CDH1: variants seen among roughly 807,000 people sequenced by gnomAD.
CDH1 encodes the protein cadherin 1, also known as cadherin-1.
A neutral mutation model predicts 84.5 loss-of-function variants in CDH1; 35 were observed. The observed-to-expected ratio is 0.41, with a 90% CI of 0.32 to 0.55. The LOEUF (loss-of-function observed/expected upper bound fraction) is 0.55. Among genes scored for constraint, CDH1 ranks in the 20% least tolerant of loss-of-function variants. The pLI is 0.19. For synonymous variants in CDH1, 417 were observed against 439.0 expected (o/e 0.95, Z 0.63); for missense variants, 994 against 1,126.6 (o/e 0.88, Z 1.68).
At chr16:68,774,987 A>G (rs1465201362) in intron 2 of CDH1, among the ~76,000 whole-genome samples, 1 of 152,090 alleles carries the variant, frequency 6.6e-6, no homozygotes, top group African/African-American at 2.4e-5. Context: ...GAAGCCAAGC[A>G]TGGTGGTGCG....
chr16:68,754,706 G>A (rs1300240817), intron 2 of CDH1, among the ~76,000 whole-genome samples: 1 of 152,174 alleles, frequency 6.6e-6, no homozygotes, highest in African/African-American at 2.4e-5. Flanking sequence ...GGTGACAGAG[G>A]TATTTGTCTG....
At position 68,819,435 on chromosome 16, in the gene CDH1, C is replaced by T. The variant is rs1264027031; in HGVS notation, c.1711+10C>T. 6.2e-7 allele frequency: 1 copy of T among 1,612,770 alleles called. No individual in the cohort carries two copies. The highest frequency in any genetic ancestry group is 8.5e-7 in the Non-Finnish European group (1 of 1,179,792). ...ATAGCTACAGACAATGGTAAGGGGGCCTCATCTGAGCCTTTGCTGCCTCGA... is the reference window on the plus strand; with the variant it reads ...ATAGCTACAGACAATGGTAAGGGGGTCTCATCTGAGCCTTTGCTGCCTCGA... On this transcript the variant is annotated intron_variant, in intron 11 of 15. Coordinates refer to ENST00000261769, the MANE Select transcript of CDH1 (RefSeq NM_004360.5).
intron 2 of CDH1, among the ~76,000 whole-genome samples, chr16:68,785,709 G>C (rs1233027746): frequency 6.6e-6 from 1 of 151,396 alleles, no homozygotes; most frequent in African/African-American, 2.4e-5. Context: ...AATGTGTCTT[G>C]ACGATCATTC....
chr16:68,813,681 T>C (rs8056633), intron 9 of CDH1, 186 bp downstream of exon 9: 5 of 739,356 alleles, frequency 6.8e-6, no homozygotes, highest in Admixed American at 5.2e-5. Flanking sequence ...CAAGAAACTG[T>C]GCTGTGTGTG....
At chr16:68,833,236 T>C (rs1296491711) in intron 15 of CDH1, 54 bp from the exon 16 acceptor site, 1 of 1,497,408 alleles carries the variant, frequency 6.7e-7, no homozygotes, top group Non-Finnish European at 9.3e-7. Flanking sequence ...TTGCCCCAGA[T>C]GACAGGTGTG....
intron 2 of CDH1, among the ~76,000 whole-genome samples, chr16:68,761,439 G>T (rs913397106): frequency 6.6e-6 from 1 of 152,178 alleles, no homozygotes; most frequent in African/African-American, 2.4e-5. Flanking sequence ...TCCTCCATTC[G>T]TTTGTTCAGT....
chr16:68,829,245 G>A (rs34761409), intron 14 of CDH1, among the ~76,000 whole-genome samples: 4,869 of 152,226 alleles, frequency 0.032, 220 homozygotes, highest in East Asian at 0.12. Context: ...AGAAGCTGGT[G>A]CCTTTCAGAC....
intron 2 of CDH1, among the ~76,000 whole-genome samples, chr16:68,776,495 T>A (rs1424871367): frequency 6.6e-6 from 1 of 152,198 alleles, no homozygotes; most frequent in Admixed American, 6.5e-5. Context: ...AACTGCACTA[T>A]AATATTTTAC....
intron 2 of CDH1, among the ~76,000 whole-genome samples, chr16:68,777,195 C>T (rs564500515): frequency 1.3e-5 from 2 of 152,290 alleles, no homozygotes; most frequent in East Asian, 1.9e-4. Flanking sequence ...GCAGAAAACC[C>T]TTCATGAAAG....
intron 2 of CDH1, among the ~76,000 whole-genome samples, chr16:68,796,421 G>C (rs1960363333): frequency 6.6e-6 from 1 of 152,124 alleles, no homozygotes; most frequent in Non-Finnish European, 1.5e-5. Flanking sequence ...AGAAGCTTTT[G>C]AGACTGTCTT....
At chr16:68,783,769 C>T (rs1014971175) in intron 2 of CDH1, among the ~76,000 whole-genome samples, 2 of 152,024 alleles carry the variant, frequency 1.3e-5, no homozygotes, top group Non-Finnish European at 2.9e-5. Context: ...CCTCACCTCC[C>T]GGGTTCAAGC....
intron 2 of CDH1, among the ~76,000 whole-genome samples, chr16:68,790,741 C>G (rs994117091): frequency 6.6e-6 from 1 of 152,088 alleles, no homozygotes; most frequent in Non-Finnish European, 1.5e-5. Context: ...AGATTCCTTG[C>G]CAGTTGGTGT....
chr16:68,754,435 G>A (rs1962970115), intron 2 of CDH1, among the ~76,000 whole-genome samples: 1 of 152,156 alleles, frequency 6.6e-6, no homozygotes, highest in Non-Finnish European at 1.5e-5. Context: ...AGTATTTGTT[G>A]TTGTACTCTG....
chr16:68,760,377 G>A (rs1190524433), intron 2 of CDH1, among the ~76,000 whole-genome samples: 1 of 146,554 alleles, frequency 6.8e-6, no homozygotes, highest in African/African-American at 2.5e-5. Context: ...GCCTCCCAAA[G>A]CACTGGGATT....
chr16:68,835,190 G>C lies in CDH1; in HGVS notation c.*1691G>C, dbSNP rs373181046. 4.3e-6 allele frequency: 1 copy of C among 231,256 alleles called. No homozygotes were observed. Among genetic ancestry groups the C allele is most frequent in the Admixed American group, 5.6e-5 (1 of 17,724 alleles). The allele number at this position is 231,256 out of a possible 1,614,324, so 14.3% of individuals were successfully genotyped here. A position where few individuals can be genotyped will look rare whatever the true frequency, so the allele number is the denominator to read the frequency against. On this transcript the variant is annotated 3_prime_UTR_variant, in exon 16 of 16. Transcript: ENST00000261769. ...CTAAAGGGGGTTAGTTGAGGGGTAG[G>C]GGGTAGTGAGGATCTTGATTTGGAT... is the stretch of plus-strand genomic sequence containing the variant.
At chr16:68,754,321 G>A (rs979697318) in intron 2 of CDH1, among the ~76,000 whole-genome samples, 1 of 152,074 alleles carries the variant, frequency 6.6e-6, no homozygotes, top group Non-Finnish European at 1.5e-5. Context: ...TAAGGTGGGA[G>A]GATCACCTGA....
intron 14 of CDH1, 97 bp downstream of exon 14, chr16:68,828,401 C>A (rs2152141728): frequency 1.6e-6 from 2 of 1,272,776 alleles, no homozygotes; most frequent in Non-Finnish European, 2.3e-6. Context: ...CTCTGAATCA[C>A]TTTGGATATT....
intron 14 of CDH1, among the ~76,000 whole-genome samples, chr16:68,829,366 T>C (rs531793070): frequency 1.0e-3 from 159 of 152,120 alleles, no homozygotes; most frequent in Non-Finnish European, 1.7e-3. Context: ...AGGGAGTGAA[T>C]ATTTGCCAAA....
At position 68,833,523 on chromosome 16, in the gene CDH1, A is replaced by C. The variant is rs1452496551; in HGVS notation, c.*24A>C. 1 of 1,584,584 alleles carries C rather than the reference A, an allele frequency of 6.3e-7. No individual in the cohort carries two copies. Among genetic ancestry groups the C allele is most frequent in the Non-Finnish European group, 8.7e-7 (1 of 1,154,532 alleles). ...AGGGGACTCGAGAGAGGCGGGCCCC[A>C]GACCCATGTGCTGGGAAATGCAGAA... On this transcript the variant is annotated 3_prime_UTR_variant, in exon 16 of 16. Coordinates refer to ENST00000261769, the MANE Select transcript of CDH1 (RefSeq NM_004360.5).
Sources: gnomAD v4.1 joint callset for allele counts (sites outside exome capture counted in the v4.1 genomes callset) on GRCh38, gnomAD v4.1.1 for gene constraint, MANE v1.5 for transcripts, NCBI Gene and HGNC (gene_info 2026-07-23, HGNC 2026-07-21) for gene names.